Variants in EPHA5 observed in about 807,000 individuals in gnomAD.
EPHA5 encodes the protein EPH receptor A5, also known as ephrin type-A receptor 5.
EPHA5 carries 60 observed loss-of-function variants against 105.0 expected under a neutral mutation model. The observed-to-expected ratio is 0.57, with a 90% CI of 0.46 to 0.71. The LOEUF is 0.71. Among genes scored for constraint, EPHA5 ranks in the 30% least tolerant of loss-of-function variants. The probability of loss-of-function intolerance (pLI) is 0.00; values close to 1 mark genes in which losing one functional copy is unlikely to be tolerated. For missense variants in EPHA5, 1,218 were observed against 1,274.7 expected (o/e 0.96, Z 0.68); for synonymous variants, 513 against 449.1 (o/e 1.14, Z -1.80).
At position 65,331,352 on chromosome 4, in the gene EPHA5, A is replaced by G. The variant is rs191209499; in HGVS notation, c.2945+621T>C. 1.1e-5 allele frequency: 11 copies of G among 1,038,368 alleles called. No homozygotes were observed. The East Asian group carries it at 4.7e-4, about 44-fold the overall frequency. The allele number at this position is 1,038,368 out of a possible 1,614,324, so 64.3% of individuals were successfully genotyped here. A position where few individuals can be genotyped will look rare whatever the true frequency, so the allele number is the denominator to read the frequency against. ...ATTTAACTCTAGTGATTTTTATTTA[A>G]TAAGGTTTGATAAATTTTATCTTAA... On this transcript the variant is annotated intron_variant, in intron 16 of 16. Transcript: ENST00000613740.
intron 5 of EPHA5, among the ~76,000 whole-genome samples, chr4:65,462,457 G>T (rs1038665258): frequency 2.6e-5 from 4 of 152,248 alleles, no homozygotes; most frequent in East Asian, 1.9e-4. Flanking sequence ...TGATGGGGGG[G>T]TCTTCTCCTG....
At chr4:65,530,791 C>A (rs547213678) in intron 3 of EPHA5, among the ~76,000 whole-genome samples, 2 of 152,068 alleles carry the variant, frequency 1.3e-5, no homozygotes, top group African/African-American at 4.8e-5. Flanking sequence ...CAGCCAGATG[C>A]CTATCCACTA....
intron 5 of EPHA5, among the ~76,000 whole-genome samples, chr4:65,423,222 G>A (rs1461657754): frequency 2.6e-5 from 4 of 151,976 alleles, no homozygotes; most frequent in Non-Finnish European, 5.9e-5. Context: ...GACCACAAAG[G>A]TAAATTGCAA....
At chr4:65,414,902 T>G (rs1240880197) in intron 6 of EPHA5, among the ~76,000 whole-genome samples, 1 of 152,208 alleles carries the variant, frequency 6.6e-6, no homozygotes, top group Non-Finnish European at 1.5e-5. Flanking sequence ...GAATTCAATT[T>G]CTAATTGTAT....
At position 65,413,698 on chromosome 4, in the gene EPHA5, C is replaced by T. The variant is rs188888524; in HGVS notation, c.1687+586G>A. ...AATTCTTCTTTCAATGTGTTTAGGG[C>T]AAGTAAGTAACATAAATATTTTGTT... On this transcript the variant is annotated intron_variant, in intron 7 of 16. Transcript: ENST00000613740. Among the ~76,000 whole-genome samples the T allele has an allele frequency of 2.6e-5, 4 of 152,052 alleles. No individual in the cohort carries two copies. In the East Asian group the frequency reaches 7.7e-4, roughly 29 times the overall value.
chr4:65,507,457 C>T (rs1037837408), intron 3 of EPHA5, among the ~76,000 whole-genome samples: 1 of 152,088 alleles, frequency 6.6e-6, no homozygotes, highest in Non-Finnish European at 1.5e-5. Flanking sequence ...TTACCTTGGG[C>T]AGTATGGCCA....
At position 65,574,150 on chromosome 4, in the gene EPHA5, G is replaced by T. The variant is rs1310371622; in HGVS notation, c.910+27491C>A. On this transcript the variant is annotated intron_variant, in intron 3 of 16. Transcript: ENST00000613740. ...CTGCGGAAGCCCAGACACCAGGAAG[G>T]TGAGATCTTCGACACAGAAAAAGGG... The T allele has an allele frequency of 3.0e-5, 49 of 1,607,936 alleles. No individual in the cohort carries two copies. The East Asian group carries it at 1.1e-3, about 36-fold the overall frequency.
chr4:65,608,797 A>G (rs1744486226), intron 2 of EPHA5, among the ~76,000 whole-genome samples: 1 of 152,222 alleles, frequency 6.6e-6, no homozygotes, highest in Non-Finnish European at 1.5e-5. Context: ...GCAGATGAGT[A>G]AACTGAGGCC....
chr4:65,562,738 A>G (rs1035708350), intron 3 of EPHA5, among the ~76,000 whole-genome samples: 2 of 152,006 alleles, frequency 1.3e-5, no homozygotes, highest in African/African-American at 4.8e-5. Flanking sequence ...CTTTTTTGAA[A>G]TATTCTGTTT....
At chr4:65,573,737 A>G (rs1463378074) in intron 3 of EPHA5, 135 of 1,604,614 alleles carry the variant, frequency 8.4e-5, no homozygotes, top group Non-Finnish European at 9.6e-5. Context: ...CAACTGTTAC[A>G]AAACCAGTTG....
intron 15 of EPHA5, among the ~76,000 whole-genome samples, chr4:65,333,404 A>G (rs1720835254): frequency 6.6e-6 from 1 of 151,518 alleles, no homozygotes; most frequent in Admixed American, 6.6e-5. Flanking sequence ...AGCACTTTTC[A>G]AACTACAAAA....
chr4:65,388,627 G>C (rs1305501718), intron 8 of EPHA5, among the ~76,000 whole-genome samples: 2 of 147,520 alleles, frequency 1.4e-5, no homozygotes, highest in Non-Finnish European at 3.0e-5. Flanking sequence ...TTTTGAGAAG[G>C]GTCTGTTCAT....
rs1228321224 is a variant in EPHA5 at position 65,637,527 on chromosome 4, T to G, written c.246+5836A>C. ...TTATATGAAATCTTCAAATTTTGTC[T>G]GTTAAAAATGAACTCATATATATAC... On this transcript the variant is annotated intron_variant, in intron 2 of 16. Transcript: ENST00000613740. Among the ~76,000 whole-genome samples, 3 of 145,612 alleles carry G rather than the reference T, an allele frequency of 2.1e-5. No individual in the cohort carries two copies. In the East Asian group the frequency reaches 5.9e-4, roughly 29 times the overall value.
chr4:65,570,862 C>A, intron 3 of EPHA5, among the ~76,000 whole-genome samples: 1 of 151,948 alleles, frequency 6.6e-6, no homozygotes, highest in South Asian at 2.1e-4. Flanking sequence ...TAATAACAAA[C>A]TTAAGTTTAA....
At chr4:65,432,973 A>T (rs1302737040) in intron 5 of EPHA5, among the ~76,000 whole-genome samples, 1 of 152,102 alleles carries the variant, frequency 6.6e-6, no homozygotes, top group Non-Finnish European at 1.5e-5. Context: ...AAGGTACTTA[A>T]CCTGATGCTT....
At chr4:65,659,536 A>G (rs190640947) in intron 1 of EPHA5, among the ~76,000 whole-genome samples, 44 of 152,072 alleles carry the variant, frequency 2.9e-4, no homozygotes, top group African/African-American at 1.0e-3. Context: ...GAGGGAAAAA[A>G]TTATAGCTAT....
In EPHA5 at chr4:65,413,101, G is replaced by T. The variant is rs549008822; in HGVS notation, c.1687+1183C>A. ...CATCCCTTTTAGTTTCAAGGTGCAG[G>T]ATTAAACAATCCATTACTAATATTA... On this transcript the variant is annotated intron_variant, in intron 7 of 16. Transcript: ENST00000613740. Among the ~76,000 whole-genome samples the T allele has an allele frequency of 2.1e-4, 32 of 151,988 alleles. No individual in the cohort carries two copies. In the South Asian group the frequency reaches 5.6e-3, roughly 27 times the overall value.
At chr4:65,540,461 T>A (rs113749489) in intron 3 of EPHA5, among the ~76,000 whole-genome samples, 32 of 151,554 alleles carry the variant, frequency 2.1e-4, no homozygotes, top group African/African-American at 7.0e-4. Flanking sequence ...TTTTCAGTAA[T>A]TGTTTGAAAA....
intron 5 of EPHA5, among the ~76,000 whole-genome samples, chr4:65,471,793 T>G (rs1454863327): frequency 6.6e-6 from 1 of 152,126 alleles, no homozygotes; most frequent in African/African-American, 2.4e-5. Context: ...ACCTGCTCTC[T>G]CCTTTGACAT....
Sources: allele counts gnomAD v4.1 joint callset (sites outside exome capture counted in the v4.1 genomes callset), GRCh38; gene constraint gnomAD v4.1.1; transcripts MANE v1.5; gene names NCBI Gene and HGNC (gene_info 2026-07-23, HGNC 2026-07-21).